MLNR: variants seen among roughly 807,000 people sequenced by gnomAD.
MLNR encodes G protein-coupled receptor 38.
A neutral mutation model predicts 20.0 loss-of-function variants in MLNR; 16 were observed. That is an observed-to-expected ratio of 0.80 (90% CI 0.54 to 1.22). The LOEUF (loss-of-function observed/expected upper bound fraction) is 1.22. MLNR is among the 50% of genes most tolerant of loss of function. The pLI is 0.00. For synonymous variants in MLNR, 302 were observed against 287.2 expected (o/e 1.05, Z -0.52); for missense variants, 630 against 592.3 (o/e 1.06, Z -0.66).
In MLNR at chr13:49,220,405, C is replaced by T. The variant is rs1372848591; in HGVS notation, c.68C>T (p.Pro23Leu). The change falls in exon 1 of 2, where the codon CCG becomes CTG. Residue 23 changes from proline (P) to leucine (L), a missense_variant. By Grantham distance (98) the Pro-to-Leu change is moderately conservative (BLOSUM62 -3). Coordinates refer to ENST00000218721, the MANE Select transcript of MLNR (RefSeq NM_001507.1). The surrounding 1 kb of genome is among the most constrained non-coding windows in gnomAD (Gnocchi z 4.4). Reference protein sequence around the residue: ...GAREPPWPALPPCDERRCSPF... With the variant: ...GAREPPWPALLPCDERRCSPF... ...CGGGAGCCGCCGTGGCCCGCGCTGCCGCCTTGCGACGAGCGCCGCTGCTCG... is the reference window on the plus strand; with the variant it reads ...CGGGAGCCGCCGTGGCCCGCGCTGCTGCCTTGCGACGAGCGCCGCTGCTCG... 8 of 1,515,902 alleles carry T rather than the reference C, an allele frequency of 5.3e-6. No individual in the cohort carries two copies. Among genetic ancestry groups the T allele is most frequent in the South Asian group, 1.2e-5 (1 of 81,676 alleles). 93.9% of individuals were successfully genotyped at this position (1,515,902 alleles called of 1,614,324 possible). A position where few individuals can be genotyped will look rare whatever the true frequency, so the allele number is the denominator to read the frequency against.
In MLNR at chr13:49,222,061, T is replaced by G. The variant is rs1593767983; in HGVS notation, c.923T>G (p.Ile308Arg). ...RVLLVVVLAF[I>R]ICWLPFHVGR... is the part of the protein sequence containing the mutation. ...GCAGTGGTGGTGGTTCTGGCATTTA[T>G]AATTTGCTGGTTGCCCTTCCACGTT... is the stretch of plus-strand genomic sequence containing the variant. The change falls in exon 2 of 2, where the codon ATA (isoleucine) becomes AGA (arginine). Residue 308 changes from isoleucine to arginine, a missense_variant. By Grantham distance (97) the Ile-to-Arg change is moderately conservative. Coordinates refer to ENST00000218721, the MANE Select transcript of MLNR (RefSeq NM_001507.1). The G allele has an allele frequency of 6.2e-7, 1 of 1,613,990 alleles. No homozygotes were observed. The highest frequency in any genetic ancestry group is 8.5e-7 in the Non-Finnish European group (1 of 1,179,868).
At position 49,222,032 on chromosome 13, in the gene MLNR, T is replaced by C. The variant is rs1310486577; in HGVS notation, c.902-8T>C. 2 of 1,611,080 alleles carry C rather than the reference T, an allele frequency of 1.2e-6. No homozygotes were observed. The highest frequency in any genetic ancestry group is 1.7e-6 in the Non-Finnish European group (2 of 1,178,100). On this transcript the variant is annotated splice_region_variant and splice_polypyrimidine_tract_variant and intron_variant, in intron 1 of 1. Transcript: ENST00000218721. Reference sequence around the variant, plus strand: ...TTGTTAATCCCGGTGCTGTGTCTTATGTTGCAGTGGTGGTGGTTCTGGCAT... The same window carrying C: ...TTGTTAATCCCGGTGCTGTGTCTTACGTTGCAGTGGTGGTGGTTCTGGCAT...
chr13:49,220,740 G>T lies in MLNR; in HGVS notation c.403G>T (p.Glu135Ter). 2 of 1,578,648 alleles carry T rather than the reference G, an allele frequency of 1.3e-6. No homozygotes were observed. The highest frequency in any genetic ancestry group is 8.6e-7 in the Non-Finnish European group (1 of 1,163,750). ...TLLHMTALSV[E>*]RYLAICRPLR... Reference sequence around the variant, plus strand: ...GCTGCACATGACCGCGCTCAGCGTCGAGCGCTACCTGGCCATCTGCCGCCC... The same window carrying T: ...GCTGCACATGACCGCGCTCAGCGTCTAGCGCTACCTGGCCATCTGCCGCCC... Residue 135 changes from glutamate to a stop codon, truncating the protein, a stop_gained, in exon 1 of 2, where the codon GAG becomes TAG. Coordinates refer to ENST00000218721, the MANE Select transcript of MLNR (RefSeq NM_001507.1). LOFTEE classifies it high-confidence loss of function. The surrounding 1 kb of genome is among the most constrained non-coding windows in gnomAD (Gnocchi z 4.4).
chr13:49,220,742 G>C lies in MLNR; in HGVS notation c.405G>C (p.Glu135Asp). 6.3e-7 allele frequency: 1 copy of C among 1,576,958 alleles called. No individual in the cohort carries two copies. ...TGCACATGACCGCGCTCAGCGTCGAGCGCTACCTGGCCATCTGCCGCCCGC... is the reference window on the plus strand; with the variant it reads ...TGCACATGACCGCGCTCAGCGTCGACCGCTACCTGGCCATCTGCCGCCCGC... ...TLLHMTALSV[E>D]RYLAICRPLR... The change falls in exon 1 of 2, where the codon GAG (glutamate) becomes GAC (aspartate). Residue 135 changes from glutamate to aspartate, a missense_variant. By Grantham distance (45) the Glu-to-Asp change is conservative (BLOSUM62 2). Transcript: ENST00000218721. This position sits in a 1 kb window ranked among gnomAD's most constrained non-coding sequence, Gnocchi z 4.4.
At chr13:49,221,336 C>G (rs1593767668) in intron 1 of MLNR, 98 bp downstream of exon 1, 5 of 1,261,886 alleles carry the variant, frequency 4.0e-6, no homozygotes, top group African/African-American at 1.5e-5. Context: ...TCGCCCAGCT[C>G]TGGGCGCCGC....
intron 1 of MLNR, 104 bp downstream of exon 1, chr13:49,221,342 G>C (rs1213893086): frequency 8.4e-7 from 1 of 1,192,094 alleles, no homozygotes; most frequent in South Asian, 1.3e-5. Flanking sequence ...AGCTCTGGGC[G>C]CCGCTTCCAG....
intron 1 of MLNR, 128 bp downstream of exon 1, chr13:49,221,366 T>C: frequency 9.8e-7 from 1 of 1,017,124 alleles, no homozygotes; most frequent in Non-Finnish European, 1.5e-6. Flanking sequence ...CCTTTCCTAT[T>C]TCGATTCCAG....
Position 49,220,968 on chromosome 13 carries a change from T to C in MLNR, c.631T>C (p.Ser211Pro). 1 of 1,494,726 alleles carries C rather than the reference T, an allele frequency of 6.7e-7. No homozygotes were observed. The highest frequency in any genetic ancestry group is 8.9e-7 in the Non-Finnish European group (1 of 1,127,084). The allele number at this position is 1,494,726 out of a possible 1,614,324, so 92.6% of individuals were successfully genotyped here. The change falls in exon 1 of 2, where the codon TCG becomes CCG. Residue 211 changes from serine to proline, a missense_variant. Coordinates refer to ENST00000218721, the MANE Select transcript of MLNR (RefSeq NM_001507.1). The surrounding 1 kb of genome is among the most constrained non-coding windows in gnomAD (Gnocchi z 4.4). ...CGCCTCGTCGCCGCCTCTCTGGCTC[T>C]CGCGGGCGCCACCGCCGTCCCCGCC... Reference protein sequence around the residue: ...PLASSPPLWLSRAPPPSPPSG... With the variant: ...PLASSPPLWLPRAPPPSPPSG...
rs767642570 is a variant in MLNR at position 49,221,327 on chromosome 13, C to A, written c.901+89C>A. On this transcript the variant is annotated intron_variant, in intron 1 of 1. Coordinates refer to ENST00000218721, the MANE Select transcript of MLNR (RefSeq NM_001507.1). ...AAACGCTGGGTCCCCTTCCCCTGCT[C>A]GCCCAGCTCTGGGCGCCGCTTCCAG... 66 of 1,373,820 alleles carry A rather than the reference C, an allele frequency of 4.8e-5. No homozygotes were observed. In the South Asian group the frequency reaches 7.2e-4, roughly 15 times the overall value. The allele number at this position is 1,373,820 out of a possible 1,614,324, so 85.1% of individuals were successfully genotyped here. A position where few individuals can be genotyped will look rare whatever the true frequency, so the allele number is the denominator to read the frequency against.
chr13:49,221,982 G>A, intron 1 of MLNR, 58 bp from the exon 2 acceptor site: 1 of 1,458,716 alleles, frequency 6.9e-7, no homozygotes, highest in Non-Finnish European at 9.4e-7. Context: ...GTCGGGGTGG[G>A]GGGTTTATTT....
chr13:49,222,007 T>C (rs1369226179), intron 1 of MLNR, 33 bp from the exon 2 acceptor site: 2 of 1,581,410 alleles, frequency 1.3e-6, no homozygotes, highest in South Asian at 2.3e-5. Flanking sequence ...CCCAATGCTT[T>C]TGTTAATCCC....
rs201256240 is a variant in MLNR at position 49,222,228 on chromosome 13, G to C, written c.1090G>C (p.Ala364Pro). ...CAACCTCATTTCAAAGAAGTACAGA[G>C]CGGCGGCCTTTAAACTGCTGCTCGC... ...LYNLISKKYR[A>P]AAFKLLLARK... Residue 364 changes from alanine (A) to proline (P), a missense_variant, in exon 2 of 2, where the codon GCG becomes CCG. Coordinates refer to ENST00000218721, the MANE Select transcript of MLNR (RefSeq NM_001507.1). 1 of 1,614,094 alleles carries C rather than the reference G, an allele frequency of 6.2e-7. No homozygotes were observed. Among genetic ancestry groups the C allele is most frequent in the Non-Finnish European group, 8.5e-7 (1 of 1,180,014 alleles).
chr13:49,221,030 C>T lies in MLNR; in HGVS notation c.693C>T (p.Phe231=), dbSNP rs376405738. The change falls in exon 1 of 2, where the codon TTC becomes TTT. Residue 231 remains phenylalanine, a synonymous_variant. Transcript: ENST00000218721. ...GPETAEAAAL[F]SRECRPSPAQ... ...AGACCGCGGAGGCCGCGGCGCTGTTCAGCCGCGAATGCCGGCCGAGCCCCG... is the reference window on the plus strand; with the variant it reads ...AGACCGCGGAGGCCGCGGCGCTGTTTAGCCGCGAATGCCGGCCGAGCCCCG... 6.4e-7 allele frequency: 1 copy of T among 1,564,560 alleles called. No individual in the cohort carries two copies. Among genetic ancestry groups the T allele is most frequent in the Middle Eastern group, 1.9e-4 (1 of 5,168 alleles).
chr13:49,221,406 G>T, intron 1 of MLNR, 168 bp downstream of exon 1: 1 of 737,122 alleles, frequency 1.4e-6, no homozygotes, highest in Non-Finnish European at 2.2e-6. Flanking sequence ...CCCATCCCCC[G>T]AGAAAACCAT....
Position 49,220,670 on chromosome 13 carries a change from C to A in MLNR, c.333C>A (p.Cys111Ter). Residue 111 changes from cysteine (C) to a stop codon, truncating the protein, a stop_gained, in exon 1 of 2, where the codon TGC becomes TGA. Coordinates refer to ENST00000218721, the MANE Select transcript of MLNR (RefSeq NM_001507.1). LOFTEE classifies it high-confidence loss of function. This position sits in a 1 kb window ranked among gnomAD's most constrained non-coding sequence, Gnocchi z 4.4. ...SRPWVFGPLL[C>*]RLSLYVGEGC... Reference sequence around the variant, plus strand: ...CCTGGGTGTTCGGGCCGCTGCTCTGCCGCCTGTCCCTCTACGTGGGCGAGG... The same window carrying A: ...CCTGGGTGTTCGGGCCGCTGCTCTGACGCCTGTCCCTCTACGTGGGCGAGG... 6.2e-7 allele frequency: 1 copy of A among 1,606,212 alleles called. No homozygotes were observed. The highest frequency in any genetic ancestry group is 8.5e-7 in the Non-Finnish European group (1 of 1,177,246).
chr13:49,220,543 T>C lies in MLNR; in HGVS notation c.206T>C (p.Met69Thr), dbSNP rs1381522551. 3 of 1,612,396 alleles carry C rather than the reference T, an allele frequency of 1.9e-6. No individual in the cohort carries two copies. Among genetic ancestry groups the C allele is most frequent in the African/African-American group, 1.3e-5 (1 of 74,938 alleles). The change falls in exon 1 of 2, where the codon ATG becomes ACG. Residue 69 changes from methionine to threonine, a missense_variant. Physicochemically the swap from Met to Thr is moderately conservative, Grantham distance 81. Transcript: ENST00000218721. The surrounding 1 kb of genome is among the most constrained non-coding windows in gnomAD (Gnocchi z 4.4). ...TVMLIGRYRD[M>T]RTTTNLYLGS... ...ATGCTGATCGGGCGCTACCGGGACA[T>C]GCGGACCACCACCAACTTGTACCTG...
At chr13:49,221,271 T>G (rs879473815) in intron 1 of MLNR, 33 bp downstream of exon 1, 1 of 1,541,942 alleles carries the variant, frequency 6.5e-7, no homozygotes, top group South Asian at 1.2e-5. Context: ...CAAAGACGCC[T>G]GCCTGCAGTC....
In MLNR at chr13:49,222,172, A is replaced by C. The variant is rs201807193; in HGVS notation, c.1034A>C (p.Tyr345Ser). ...YFNIVALQLF[Y>S]LSASINPILY... is the part of the protein sequence containing the mutation. ...AACATCGTCGCTCTGCAACTTTTCT[A>C]TCTGAGCGCATCTATCAACCCAATC... The change falls in exon 2 of 2, where the codon TAT becomes TCT. Residue 345 changes from tyrosine to serine, a missense_variant. Physicochemically the swap from Tyr to Ser is moderately radical, Grantham distance 144. Transcript: ENST00000218721. The C allele has an allele frequency of 6.2e-7, 1 of 1,614,046 alleles. No homozygotes were observed. Among genetic ancestry groups the C allele is most frequent in the South Asian group, 1.1e-5 (1 of 91,070 alleles).
chr13:49,221,445 C>T (rs1334184837), intron 1 of MLNR: 7 of 577,756 alleles, frequency 1.2e-5, no homozygotes, highest in African/African-American at 2.0e-5. Context: ...TCTGGGGGAC[C>T]CCAGGGCGCT....
Sources: allele counts gnomAD v4.1 joint callset, GRCh38; gene constraint gnomAD v4.1.1; non-coding constraint Gnocchi (gnomAD v3.1); transcripts MANE v1.5; gene names NCBI Gene and HGNC (gene_info 2026-07-23, HGNC 2026-07-21).